Variants in ADAM22 observed in about 807,000 individuals in gnomAD.
ADAM22 encodes ADAM metallopeptidase domain 22, also known as disintegrin and metalloproteinase domain-containing protein 22.
In ADAM22, 65 loss-of-function variants were observed where a neutral mutation model predicts 144.6. The observed-to-expected ratio is 0.45, with a 90% confidence interval of 0.37 to 0.55. ADAM22 has a LOEUF of 0.55. ADAM22 is among the 20% of genes least tolerant of loss of function. ADAM22 has a pLI of 0.00. For synonymous variants in ADAM22, 391 were observed against 412.6 expected, an observed-to-expected ratio of 0.95 and a Z score of 0.63; for missense variants, 974 against 1,184.9, an observed-to-expected ratio of 0.82 and a Z score of 2.61.
At chr7:87,973,722 A>G (rs1298766369) in intron 2 of ADAM22, among the ~76,000 whole-genome samples, 1 of 152,156 alleles carries the variant, frequency 6.6e-6, no homozygotes, top group Non-Finnish European at 1.5e-5. Flanking sequence ...GATTAAGAAA[A>G]TGTGGCACAT....
At chr7:88,029,503 T>G (rs540369353) in intron 3 of ADAM22, among the ~76,000 whole-genome samples, 5 of 152,288 alleles carry the variant, frequency 3.3e-5, no homozygotes, top group Non-Finnish European at 5.9e-5. Flanking sequence ...TATGAGTAGT[T>G]TATACACCAA....
At chr7:88,048,837 C>T (rs1036244767) in intron 3 of ADAM22, among the ~76,000 whole-genome samples, 1 of 152,056 alleles carries the variant, frequency 6.6e-6, no homozygotes, top group Non-Finnish European at 1.5e-5. Flanking sequence ...AGATAATTCC[C>T]TTTTCTCTCC....
intron 30 of ADAM22, among the ~76,000 whole-genome samples, chr7:88,189,606 G>C (rs1225981402): frequency 6.6e-6 from 1 of 152,172 alleles, no homozygotes. Context: ...AAGTAGCAGA[G>C]TGGATACTGA....
intron 3 of ADAM22, among the ~76,000 whole-genome samples, chr7:87,984,785 A>G (rs540068699): frequency 2.6e-5 from 4 of 152,048 alleles, no homozygotes; most frequent in East Asian, 1.9e-4. Context: ...GGCTCAAGCA[A>G]TCCTCCCATC....
chr7:88,148,122 G>A (rs1036990175), intron 17 of ADAM22, among the ~76,000 whole-genome samples: 3 of 152,182 alleles, frequency 2.0e-5, no homozygotes, highest in African/African-American at 7.2e-5. Flanking sequence ...TCAAATGCCT[G>A]TAGAGTTCTG....
At chr7:88,155,527 A>G (rs926701083) in intron 21 of ADAM22, among the ~76,000 whole-genome samples, 2 of 147,076 alleles carry the variant, frequency 1.4e-5, no homozygotes, top group Non-Finnish European at 3.0e-5. Flanking sequence ...GACTCTAAGA[A>G]AAAAAAAAAA....
At chr7:88,067,863 A>G (rs1243729026) in intron 3 of ADAM22, among the ~76,000 whole-genome samples, 2 of 152,218 alleles carry the variant, frequency 1.3e-5, no homozygotes, top group Non-Finnish European at 2.9e-5. Context: ...GGGTACACAG[A>G]AAATTTCTTT....
chr7:88,051,182 C>G (rs1416455277), intron 3 of ADAM22, among the ~76,000 whole-genome samples: 1 of 152,048 alleles, frequency 6.6e-6, no homozygotes, highest in African/African-American at 2.4e-5. Flanking sequence ...ACCATTTGAC[C>G]CAGCCATCCC....
At chr7:87,971,449 A>G (rs911927824) in intron 2 of ADAM22, among the ~76,000 whole-genome samples, 1 of 152,134 alleles carries the variant, frequency 6.6e-6, no homozygotes, top group Non-Finnish European at 1.5e-5. Context: ...CAGTGTCCCT[A>G]GTTATATACT....
chr7:88,131,151 A>G (rs1831669328), intron 10 of ADAM22, 118 bp from the exon 11 acceptor site: 1 of 777,448 alleles, frequency 1.3e-6, no homozygotes, highest in Non-Finnish European at 2.0e-6. Context: ...TTAGAAAGTT[A>G]TCTCCCTTTA....
chr7:88,112,397 C>T (rs1224018666), intron 5 of ADAM22, among the ~76,000 whole-genome samples: 2 of 152,194 alleles, frequency 1.3e-5, no homozygotes, highest in African/African-American at 4.8e-5. Flanking sequence ...TCACCAATTT[C>T]ACTAAATCTT....
Position 88,179,147 on chromosome 7 carries a change from T to G in ADAM22, c.2495+18T>G. ...TGCAGCAGGTTTGATTACTTCTTCC[T>G]TCTTTCTTGAATGTTAAAAAATAGT... On this transcript the variant is annotated intron_variant, in intron 27 of 31. Transcript: ENST00000413139. The G allele has an allele frequency of 1.1e-6, 1 of 910,782 alleles. No individual in the cohort carries two copies. Among genetic ancestry groups the G allele is most frequent in the South Asian group, 1.4e-5 (1 of 69,870 alleles). 56.4% of individuals were successfully genotyped at this position (910,782 alleles called of 1,614,324 possible).
intron 5 of ADAM22, among the ~76,000 whole-genome samples, chr7:88,109,570 C>G (rs1487700221): frequency 2.0e-5 from 3 of 152,036 alleles, no homozygotes; most frequent in Non-Finnish European, 1.5e-5. Flanking sequence ...TTTCATCTAA[C>G]AAGCAGTTAC....
intron 3 of ADAM22, among the ~76,000 whole-genome samples, chr7:88,037,496 C>T (rs148546649): frequency 2.0e-4 from 31 of 152,164 alleles, no homozygotes; most frequent in African/African-American, 7.2e-4. Context: ...GATTTTTTCA[C>T]CCTGTTGTCT....
At chr7:88,022,723 A>G (rs1798108601) in intron 3 of ADAM22, among the ~76,000 whole-genome samples, 1 of 152,188 alleles carries the variant, frequency 6.6e-6, no homozygotes, top group South Asian at 2.1e-4. Flanking sequence ...TTATTCTTTT[A>G]CATAGGATGA....
At chr7:87,948,438 CTG>C (rs1306882181) in intron 2 of ADAM22, among the ~76,000 whole-genome samples, 1 of 152,142 alleles carries the variant, frequency 6.6e-6, no homozygotes, top group Admixed American at 6.5e-5. Flanking sequence ...TCATTCTCCT[CTG>C]TGGATGTGGA....
chr7:87,992,324 C>T (rs778270882), intron 3 of ADAM22, among the ~76,000 whole-genome samples: 4 of 152,098 alleles, frequency 2.6e-5, no homozygotes, highest in Non-Finnish European at 5.9e-5. Flanking sequence ...GGCTAAGATG[C>T]TTTGTTTGGT....
chr7:87,989,198 G>A (rs1212174906), intron 3 of ADAM22, among the ~76,000 whole-genome samples: 3 of 151,962 alleles, frequency 2.0e-5, no homozygotes, highest in African/African-American at 7.3e-5. Flanking sequence ...TTTATGAATG[G>A]GTTCTTTAAT....
intron 8 of ADAM22, among the ~76,000 whole-genome samples, chr7:88,126,588 G>C (rs1438540391): frequency 6.6e-6 from 1 of 151,912 alleles, no homozygotes; most frequent in African/African-American, 2.4e-5. Context: ...TAAGAGGAAG[G>C]TATTATCACA....
Sources: gnomAD v4.1 joint callset for allele counts (sites outside exome capture counted in the v4.1 genomes callset) on GRCh38, gnomAD v4.1.1 for gene constraint, MANE v1.5 for transcripts, NCBI Gene and HGNC (gene_info 2026-07-23, HGNC 2026-07-21) for gene names.